SNAP91: variants seen among roughly 807,000 people sequenced by gnomAD.
The protein encoded by SNAP91 is synaptosome associated protein 91.
Under a neutral mutation model 100.3 loss-of-function variants are expected in SNAP91, and 27 were observed. That is an observed-to-expected ratio of 0.27 (90% CI 0.20 to 0.37). The LOEUF (loss-of-function observed/expected upper bound fraction) is 0.37, where lower values mean the gene tolerates loss of function less well. SNAP91 is among the 10% of genes least tolerant of loss of function. The pLI is 1.00. For synonymous variants in SNAP91, 404 were observed against 398.6 expected (o/e 1.01, Z -0.16); for missense variants, 986 against 1,123.7 (o/e 0.88, Z 1.75).
At chr6:83,666,868 G>A (rs1202803670) in intron 2 of SNAP91, among the ~76,000 whole-genome samples, 3 of 151,946 alleles carry the variant, frequency 2.0e-5, no homozygotes, top group Non-Finnish European at 4.4e-5. Context: ...TGGCCTTCCT[G>A]TGCTTTAAAA....
intron 22 of SNAP91, 72 bp downstream of exon 22, chr6:83,591,139 A>G: frequency 9.9e-7 from 1 of 1,012,036 alleles, no homozygotes; most frequent in East Asian, 2.6e-5. Flanking sequence ...AATTTATGTA[A>G]TTTTTATAAT....
intron 26 of SNAP91, among the ~76,000 whole-genome samples, chr6:83,570,710 C>G (rs1004658296): frequency 6.6e-6 from 1 of 152,174 alleles, no homozygotes; most frequent in African/African-American, 2.4e-5. Flanking sequence ...AGTCCCAAAC[C>G]TTGGCAGCTT....
intron 8 of SNAP91, among the ~76,000 whole-genome samples, chr6:83,633,578 G>C (rs1030328927): frequency 1.1e-4 from 17 of 152,000 alleles, no homozygotes; most frequent in African/African-American, 3.9e-4. Flanking sequence ...TGGGGGTGAG[G>C]TTCCCAGGTC....
chr6:83,556,075 C>A, intron 29 of SNAP91, 68 bp downstream of exon 29: 2 of 806,456 alleles, frequency 2.5e-6, no homozygotes, highest in Admixed American at 2.1e-5. Context: ...TAATGAGTAC[C>A]TCTGAAATAG....
chr6:83,555,332 G>C (rs1312051821), intron 29 of SNAP91, among the ~76,000 whole-genome samples: 1 of 152,162 alleles, frequency 6.6e-6, no homozygotes, highest in African/African-American at 2.4e-5. Flanking sequence ...CATTGGACAA[G>C]AGTCCAAAAA....
chr6:83,622,400 T>C (rs2096764812), intron 9 of SNAP91, among the ~76,000 whole-genome samples: 1 of 151,998 alleles, frequency 6.6e-6, no homozygotes, highest in African/African-American at 2.4e-5. Context: ...GACAGCAAAT[T>C]ACTAAATGCA....
At chr6:83,629,419 A>C (rs1187769851) in intron 8 of SNAP91, among the ~76,000 whole-genome samples, 1 of 151,778 alleles carries the variant, frequency 6.6e-6, no homozygotes, top group Admixed American at 6.6e-5. Flanking sequence ...TTTTGATGGG[A>C]ATTGCATTGA....
At chr6:83,561,206 C>T (rs1686356322) in intron 26 of SNAP91, among the ~76,000 whole-genome samples, 1 of 152,094 alleles carries the variant, frequency 6.6e-6, no homozygotes, top group Admixed American at 6.5e-5. Context: ...CCATGGCTGA[C>T]CAATTTTTAA....
Position 83,680,829 on chromosome 6 carries a change from T to TTGTAGACTG in SNAP91, c.131-15257_131-15249dup, listed in dbSNP as rs144997105. Among the ~76,000 whole-genome samples the TTGTAGACTG allele has an allele frequency of 5.3e-5, 8 of 152,246 alleles. No homozygotes were observed. In the East Asian group the frequency reaches 1.5e-3, roughly 29 times the overall value. On this transcript the variant is annotated intron_variant, in intron 2 of 29. Coordinates refer to ENST00000369694, the MANE Select transcript of SNAP91 (RefSeq NM_001242792.2). Reference sequence around the variant, plus strand: ...CAATCAAAAGCATGTCCAGACATTGTTGTAGACTGTTGAGAACTGTTTGCC... The same window carrying TTGTAGACTG: ...CAATCAAAAGCATGTCCAGACATTGTTGTAGACTGTGTAGACTGTTGAGAACTGTTTGCC...
chr6:83,677,845 T>C (rs1383542001), intron 2 of SNAP91, among the ~76,000 whole-genome samples: 2 of 152,162 alleles, frequency 1.3e-5, no homozygotes, highest in African/African-American at 4.8e-5. Flanking sequence ...TTTAAAAGGA[T>C]AAGTAAAAAC....
chr6:83,683,263 G>T (rs144065875), intron 2 of SNAP91, among the ~76,000 whole-genome samples: 1 of 152,042 alleles, frequency 6.6e-6, no homozygotes, highest in East Asian at 1.9e-4. Flanking sequence ...TCTGTTCTTA[G>T]TCAAGACTCT....
At chr6:83,558,279 T>C (rs1485423867) in intron 28 of SNAP91, among the ~76,000 whole-genome samples, 1 of 152,208 alleles carries the variant, frequency 6.6e-6, no homozygotes, top group East Asian at 1.9e-4. Flanking sequence ...GTCATGGAAC[T>C]ATTCAAACAT....
rs375343309 is a variant in SNAP91 at position 83,591,318 on chromosome 6, G to A, written c.1931-24C>T. 38 of 1,511,906 alleles carry A rather than the reference G, an allele frequency of 2.5e-5. No individual in the cohort carries two copies. In the Middle Eastern group the frequency reaches 5.1e-4, roughly 20 times the overall value. 93.7% of individuals were successfully genotyped at this position (1,511,906 alleles called of 1,614,324 possible). A position where few individuals can be genotyped will look rare whatever the true frequency, so the allele number is the denominator to read the frequency against. ...ATCTATCCGTTATCCATTGTGCAGC[G>A]GAAAAGTAAGAAAGTGTAAAAAGTA... On this transcript the variant is annotated intron_variant, in intron 21 of 29. Transcript: ENST00000369694.
At position 83,707,656 on chromosome 6, in the gene SNAP91, AGCT is replaced by A. The variant is rs537754259; in HGVS notation, c.130+139_130+141del. The A allele has an allele frequency of 4.2e-4, 481 of 1,143,104 alleles. 4 individuals carry two copies. The East Asian group carries it at 0.012, about 29-fold the overall frequency. 70.8% of individuals were successfully genotyped at this position (1,143,104 alleles called of 1,614,324 possible). A position where few individuals can be genotyped will look rare whatever the true frequency, so the allele number is the denominator to read the frequency against. On this transcript the variant is annotated intron_variant, in intron 2 of 29. Transcript: ENST00000369694. ...GGCTAACCCAAGGGAACACCTTCACAGCTGAAGAATTTCAGCTCAGGGGCAACC... is the reference window on the plus strand; with the variant it reads ...GGCTAACCCAAGGGAACACCTTCACAGAAGAATTTCAGCTCAGGGGCAACC...
intron 9 of SNAP91, among the ~76,000 whole-genome samples, chr6:83,620,934 A>T (rs1252224070): frequency 2.0e-5 from 3 of 151,410 alleles, no homozygotes; most frequent in Non-Finnish European, 1.5e-5. Flanking sequence ...CGATCTCCTG[A>T]ACTCATGATT....
intron 7 of SNAP91, among the ~76,000 whole-genome samples, chr6:83,650,366 C>G (rs988072573): frequency 3.9e-5 from 6 of 152,188 alleles, no homozygotes; most frequent in African/African-American, 1.4e-4. Flanking sequence ...ATACAAGATA[C>G]AGGCAGATCT....
At chr6:83,697,324 G>GCACACACACACACACA (rs57251608) in intron 2 of SNAP91, among the ~76,000 whole-genome samples, 1 of 138,064 alleles carries the variant, frequency 7.2e-6, no homozygotes. Flanking sequence ...GAAAATAGCT[G>GCACACACACACACACA]CACACACACA....
chr6:83,624,571 G>A (rs1164384531), intron 8 of SNAP91, among the ~76,000 whole-genome samples: 4 of 152,084 alleles, frequency 2.6e-5, no homozygotes, highest in African/African-American at 9.7e-5. Flanking sequence ...TGTGTCTAGA[G>A]CAGGGTTTCT....
At chr6:83,576,721 C>G (rs1407631800) in intron 24 of SNAP91, among the ~76,000 whole-genome samples, 1 of 152,208 alleles carries the variant, frequency 6.6e-6, no homozygotes, top group Non-Finnish European at 1.5e-5. Context: ...TATATCCTTC[C>G]TCTGCTTCCG....
Sources: gnomAD v4.1 joint callset for allele counts (sites outside exome capture counted in the v4.1 genomes callset) on GRCh38, gnomAD v4.1.1 for gene constraint, MANE v1.5 for transcripts, NCBI Gene and HGNC (gene_info 2026-07-23, HGNC 2026-07-21) for gene names.